The following EP300 variants were observed in gnomAD, a reference collection of about 807,000 sequenced individuals.
EP300 encodes the protein histone acetyltransferase p300.
In EP300, 31 loss-of-function variants were observed where a neutral mutation model predicts 264.0. The observed-to-expected ratio is 0.12, with a 90% CI of 0.09 to 0.16. The LOEUF (loss-of-function observed/expected upper bound fraction) is 0.16, where lower values mean the gene tolerates loss of function less well. Among genes scored for constraint, EP300 ranks in the 10% least tolerant of loss-of-function variants. EP300 has a pLI of 1.00. For missense variants in EP300, 2,766 were observed against 3,052.9 expected (o/e 0.91, Z 2.21); for synonymous variants, 1,340 against 1,045.4 (o/e 1.28, Z -5.44).
At chr22:41,142,261 G>A (rs1394472710) in intron 10 of EP300, among the ~76,000 whole-genome samples, 1 of 152,212 alleles carries the variant, frequency 6.6e-6, no homozygotes, top group Non-Finnish European at 1.5e-5. Context: ...CCAGCGGGCA[G>A]TAAACCTCAT....
rs12167653 is a variant in EP300 at position 41,147,509 on chromosome 22, G to T, written c.2132-328G>T. ...TCCCAGCACTTTGGGAGGCTGAGGC[G>T]GGCAGATCACAAGGTCAGGAGATAG... On this transcript the variant is annotated intron_variant, in intron 11 of 30. Transcript: ENST00000263253. 0.018 allele frequency among the ~76,000 whole-genome samples: 2,689 copies of T among 152,130 alleles called. 74 individuals carry two copies. Among genetic ancestry groups the T allele is most frequent in the African/African-American group, 0.062 (2,587 of 41,522 alleles).
At position 41,173,720 on chromosome 22, in the gene EP300, G is replaced by C; in HGVS notation, c.4715G>C (p.Gly1572Ala). 6.2e-7 allele frequency: 1 copy of C among 1,614,134 alleles called. No homozygotes were observed. The highest frequency in any genetic ancestry group is 8.5e-7 in the Non-Finnish European group (1 of 1,180,030). The change falls in exon 29 of 31, where the codon GGG (glycine) becomes GCG (alanine). Residue 1572 changes from glycine (G) to alanine (A), a missense_variant. Gly to Ala is a moderately conservative substitution (Grantham distance 60). Transcript: ENST00000263253. ...SLSRGNKKKP[G>A]MPNVSNDLSQ... is the part of the protein sequence containing the mutation. The stretch of plus-strand genomic sequence containing the variant: ...AGTAGGGGCAACAAGAAGAAACCCG[G>C]GATGCCCAATGTATCTAACGACCTC...
At chr22:41,121,056 C>A (rs949019941) in intron 2 of EP300, among the ~76,000 whole-genome samples, 7 of 152,152 alleles carry the variant, frequency 4.6e-5, no homozygotes, top group African/African-American at 1.7e-4. Flanking sequence ...GTATTCCTAC[C>A]GCTTTGGGAG....
chr22:41,103,800 G>C (rs952927301), intron 1 of EP300, among the ~76,000 whole-genome samples: 1 of 152,154 alleles, frequency 6.6e-6, no homozygotes, highest in Non-Finnish European at 1.5e-5. Context: ...TGACATGGTT[G>C]GGGAAAGACT....
intron 7 of EP300, among the ~76,000 whole-genome samples, chr22:41,136,681 A>C (rs539707928): frequency 6.6e-6 from 1 of 152,216 alleles, no homozygotes; most frequent in South Asian, 2.1e-4. Flanking sequence ...TTATTATTTT[A>C]AAAAGAGAGG....
intron 6 of EP300, among the ~76,000 whole-genome samples, chr22:41,132,643 A>G (rs944466149): frequency 2.0e-5 from 3 of 152,156 alleles, no homozygotes; most frequent in African/African-American, 4.8e-5. Flanking sequence ...GCTTTAAACT[A>G]TACAACAGAA....
chr22:41,137,893 C>T, intron 8 of EP300, 103 bp downstream of exon 8: 2 of 1,510,422 alleles, frequency 1.3e-6, no homozygotes, highest in Non-Finnish European at 1.8e-6. Context: ...AGCAATTTTT[C>T]TGTAGCATGG....
At chr22:41,156,394 C>G (rs2059077487) in intron 17 of EP300, among the ~76,000 whole-genome samples, 1 of 151,712 alleles carries the variant, frequency 6.6e-6, no homozygotes, top group South Asian at 2.1e-4. Flanking sequence ...CCTCCATATA[C>G]TAGGCTGCTG....
chr22:41,147,034 G>C, intron 11 of EP300, among the ~76,000 whole-genome samples: 1 of 152,178 alleles, frequency 6.6e-6, no homozygotes, highest in Non-Finnish European at 1.5e-5. Context: ...GCTGGGCATG[G>C]TGGCTCACGC....
At chr22:41,149,278 G>A (rs1040520861) in intron 13 of EP300, 103 bp downstream of exon 13, 1 of 1,375,696 alleles carries the variant, frequency 7.3e-7, no homozygotes, top group Non-Finnish European at 1.0e-6. Context: ...GGTGAAAACA[G>A]ATGATTTTTT....
intron 1 of EP300, among the ~76,000 whole-genome samples, chr22:41,107,620 T>C (rs1290989421): frequency 6.6e-6 from 1 of 152,234 alleles, no homozygotes; most frequent in Non-Finnish European, 1.5e-5. Flanking sequence ...CATTTATATA[T>C]AATACTTCAT....
intron 7 of EP300, among the ~76,000 whole-genome samples, chr22:41,137,348 CTT>C (rs1301728778): frequency 2.4e-5 from 2 of 84,184 alleles, no homozygotes; most frequent in Admixed American, 2.1e-4. Flanking sequence ...CAGAGCAAGA[CTT>C]TGTCTCAAAA....
intron 2 of EP300, among the ~76,000 whole-genome samples, chr22:41,119,166 C>CTTA (rs374638061): frequency 2.1e-3 from 31 of 14,714 alleles, no homozygotes; most frequent in South Asian, 7.0e-3. Flanking sequence ...CCATGCCTGG[C>CTTA]TTATTATTAT....
At position 41,172,444 on chromosome 22, in the gene EP300, A is replaced by G. The variant is rs2059176003; in HGVS notation, c.4453-55A>G. On this transcript the variant is annotated intron_variant, in intron 27 of 30. Coordinates refer to ENST00000263253, the MANE Select transcript of EP300 (RefSeq NM_001429.4). ...TTGTCAGCCATGATTATTCTGTATA[A>G]TCAATGCTTTAAAAGAACATAGAAA... 5 of 1,465,126 alleles carry G rather than the reference A, an allele frequency of 3.4e-6. No homozygotes were observed. In the East Asian group the frequency reaches 1.1e-4, roughly 33 times the overall value. The allele number at this position is 1,465,126 out of a possible 1,614,324, so 90.8% of individuals were successfully genotyped here.
chr22:41,147,528 G>T (rs149237292), intron 11 of EP300, among the ~76,000 whole-genome samples: 40 of 152,088 alleles, frequency 2.6e-4, no homozygotes, highest in Admixed American at 1.2e-3. Context: ...ACAAGGTCAG[G>T]AGATAGAGAC....
rs778607317 is a variant in EP300 at position 41,117,636 on chromosome 22, A to G, written c.544A>G (p.Asn182Asp). The change falls in exon 2 of 31, where the codon AAT (asparagine) becomes GAT (aspartate). Residue 182 changes from asparagine (N) to aspartate (D), a missense_variant. Asn to Asp is a conservative substitution (Grantham distance 23). Transcript: ENST00000263253. ...GAATCCTGGAATGTTGGCTGCAGGC[A>G]ATGGACAAGGGATAATGCCTAATCA... ...GMNPGMLAAG[N>D]GQGIMPNQVM... 1.2e-6 allele frequency: 2 copies of G among 1,614,238 alleles called. No homozygotes were observed. Among genetic ancestry groups the G allele is most frequent in the Middle Eastern group, 1.6e-4 (1 of 6,062 alleles).
At chr22:41,148,722 CAG>C (rs778552703) in intron 12 of EP300, 9 of 408,234 alleles carry the variant, frequency 2.2e-5, no homozygotes, top group East Asian at 5.2e-5. Flanking sequence ...CCTCACTTAA[CAG>C]AGCATGCAAA....
chr22:41,094,300 G>A (rs2058690277), intron 1 of EP300, among the ~76,000 whole-genome samples: 1 of 152,152 alleles, frequency 6.6e-6, no homozygotes, highest in South Asian at 2.1e-4. Context: ...AGTGCATAAT[G>A]GAGTTAAATG....
rs2059161968 is a variant in EP300, at chr22:41,170,273, G to C, written c.4287-133G>C. ...GGCCTCACAATGTTAATCTCATTCTGGGTTATATATACACTGTGTTATCTT... is the reference window on the plus strand; with the variant it reads ...GGCCTCACAATGTTAATCTCATTCTCGGTTATATATACACTGTGTTATCTT... On this transcript the variant is annotated intron_variant, in intron 26 of 30. Transcript: ENST00000263253. The C allele has an allele frequency of 6.4e-6, 5 of 786,574 alleles. No individual in the cohort carries two copies. The East Asian group carries it at 1.3e-4, about 21-fold the overall frequency. 48.7% of individuals were successfully genotyped at this position (786,574 alleles called of 1,614,324 possible).
Sources: allele counts gnomAD v4.1 joint callset (sites outside exome capture counted in the v4.1 genomes callset), GRCh38; gene constraint gnomAD v4.1.1; transcripts MANE v1.5; gene names NCBI Gene and HGNC (gene_info 2026-07-23, HGNC 2026-07-21).